The following USP24 variants were observed in gnomAD, a reference collection of about 807,000 sequenced individuals.
The protein encoded by USP24 is ubiquitin specific peptidase 24, also known as ubiquitin carboxyl-terminal hydrolase 24.
USP24 carries 97 observed loss-of-function variants against 361.6 expected under a neutral mutation model. The observed-to-expected ratio is 0.27, with a 90% confidence interval of 0.23 to 0.32. USP24 has a LOEUF of 0.32. USP24 is among the 10% of genes least tolerant of loss of function. The pLI is 1.00. For missense variants in USP24, 2,353 were observed against 3,165.6 expected, an observed-to-expected ratio of 0.74 and a Z score of 6.16; for synonymous variants, 1,098 against 1,124.6, an observed-to-expected ratio of 0.98 and a Z score of 0.47.
Position 55,142,939 on chromosome 1 carries a change from C to CT in USP24, c.2580+39dup, listed in dbSNP as rs1570527166. 9.6e-6 allele frequency: 14 copies of CT among 1,464,882 alleles called. No homozygotes were observed. The East Asian group carries it at 3.5e-4, about 37-fold the overall frequency. The allele number at this position is 1,464,882 out of a possible 1,614,324, so 90.7% of individuals were successfully genotyped here. ...ACTAAAATATACATATAATTTTCTG[C>CT]TTTTTTGTATATGGATAACTTCTTT... On this transcript the variant is annotated intron_variant, in intron 22 of 67. Transcript: ENST00000294383.
chr1:55,199,044 C>A (rs1191499484), intron 1 of USP24, among the ~76,000 whole-genome samples: 1 of 152,054 alleles, frequency 6.6e-6, no homozygotes, highest in African/African-American at 2.4e-5. Flanking sequence ...AATCCTGGCA[C>A]TTTGAGAGGC....
At chr1:55,137,944 T>C in intron 26 of USP24, 40 bp from the exon 27 acceptor site, 2 of 1,534,104 alleles carry the variant, frequency 1.3e-6, no homozygotes, top group Non-Finnish European at 1.8e-6. Context: ...AGAATTCATT[T>C]ATTTATTCAT....
intron 1 of USP24, among the ~76,000 whole-genome samples, chr1:55,206,255 T>C (rs1172576877): frequency 6.6e-6 from 1 of 152,238 alleles, no homozygotes; most frequent in Non-Finnish European, 1.5e-5. Flanking sequence ...GAATTATCAA[T>C]ACACACATGC....
At chr1:55,117,833 T>C (rs774071156) in intron 38 of USP24, among the ~76,000 whole-genome samples, 11 of 151,692 alleles carry the variant, frequency 7.3e-5, no homozygotes, top group Admixed American at 1.3e-4. Context: ...CAAAAATCAG[T>C]TGTGTTTCTT....
chr1:55,183,742 A>G (rs1644043574), intron 1 of USP24, among the ~76,000 whole-genome samples: 1 of 152,198 alleles, frequency 6.6e-6, no homozygotes, highest in South Asian at 2.1e-4. Flanking sequence ...ATATTATACA[A>G]CCATATGCTG....
intron 17 of USP24, 116 bp downstream of exon 17, chr1:55,148,347 G>T: frequency 3.1e-6 from 2 of 648,748 alleles, no homozygotes; most frequent in Non-Finnish European, 4.9e-6. Flanking sequence ...TGATATAAGT[G>T]AATTACATCA....
In USP24 at chr1:55,078,558, T is replaced by G. The variant is rs2100415840; in HGVS notation, c.7294A>C (p.Thr2432Pro). 1 of 1,611,480 alleles carries G rather than the reference T, an allele frequency of 6.2e-7. No homozygotes were observed. The highest frequency in any genetic ancestry group is 1.1e-5 in the South Asian group (1 of 90,602). Reference protein sequence around the residue: ...CCFCNEHFSFTMLHFIKNQLE... With the variant: ...CCFCNEHFSFPMLHFIKNQLE... ...CTTACCTTAATGAAATGCAGCATTG[T>G]GAAGGAAAAATGCTCATTACAGAAA... The change falls in exon 61 of 68, where the codon ACA becomes CCA. Residue 2432 changes from threonine (T) to proline (P), a missense_variant. Physicochemically the swap from Thr to Pro is conservative, Grantham distance 38. Coordinates refer to ENST00000294383, the MANE Select transcript of USP24 (RefSeq NM_015306.3).
intron 5 of USP24, among the ~76,000 whole-genome samples, chr1:55,167,699 G>A (rs1486550866): frequency 6.6e-6 from 1 of 152,094 alleles, no homozygotes; most frequent in African/African-American, 2.4e-5. Flanking sequence ...CGCCGAGAGA[G>A]GTCAAATGGA....
intron 23 of USP24, among the ~76,000 whole-genome samples, chr1:55,142,097 C>T (rs1646905951): frequency 6.6e-6 from 1 of 152,148 alleles, no homozygotes; most frequent in African/African-American, 2.4e-5. Flanking sequence ...CATATTCTAG[C>T]ACATATTTAT....
chr1:55,097,764 G>A, intron 47 of USP24, 47 bp from the exon 48 acceptor site: 1 of 1,516,784 alleles, frequency 6.6e-7, no homozygotes, highest in Non-Finnish European at 8.8e-7. Flanking sequence ...TGATCTCCAT[G>A]GAGAAAATAA....
intron 8 of USP24, among the ~76,000 whole-genome samples, chr1:55,161,561 G>A (rs1277068773): frequency 6.6e-6 from 1 of 152,050 alleles, no homozygotes; most frequent in African/African-American, 2.4e-5. Flanking sequence ...TTTTTTAAAA[G>A]CTCTATAGAA....
At chr1:55,185,330 C>T (rs914390701) in intron 1 of USP24, among the ~76,000 whole-genome samples, 9 of 151,676 alleles carry the variant, frequency 5.9e-5, no homozygotes, top group African/African-American at 2.2e-4. Flanking sequence ...TAACCTCCCA[C>T]TTTCAGAAAC....
chr1:55,155,108 G>A (rs1647500655), intron 12 of USP24, among the ~76,000 whole-genome samples: 1 of 151,922 alleles, frequency 6.6e-6, no homozygotes, highest in Non-Finnish European at 1.5e-5. Flanking sequence ...GATTTAAACA[G>A]ATTGAATTAT....
At chr1:55,214,449 C>T (rs72896820) in intron 1 of USP24, among the ~76,000 whole-genome samples, 146 of 152,102 alleles carry the variant, frequency 9.6e-4, no homozygotes, top group African/African-American at 3.3e-3. Context: ...AAGTGTCTGT[C>T]CTCCCATCTC....
chr1:55,178,675 CAAAA>C (rs1174799876), intron 1 of USP24, among the ~76,000 whole-genome samples: 4 of 117,468 alleles, frequency 3.4e-5, no homozygotes, highest in Admixed American at 2.1e-4. Context: ...GACTCCGTCT[CAAAA>C]TAAATAAATA....
intron 43 of USP24, 150 bp from the exon 44 acceptor site, chr1:55,101,114 T>G: frequency 1.0e-6 from 1 of 996,568 alleles, no homozygotes; most frequent in Non-Finnish European, 1.4e-6. Context: ...TTAACTTTAA[T>G]AATTCCTAGC....
chr1:55,166,114 C>T (rs1246632540), intron 6 of USP24, among the ~76,000 whole-genome samples, 164 bp from the exon 7 acceptor site: 11 of 150,694 alleles, frequency 7.3e-5, no homozygotes, highest in African/African-American at 4.9e-5. Flanking sequence ...ATGGGGTTTC[C>T]ATCCCCTCAA....
intron 7 of USP24, among the ~76,000 whole-genome samples, chr1:55,163,716 C>A (rs75866762): frequency 0.11 from 16,398 of 151,994 alleles, 1,073 homozygotes; most frequent in Non-Finnish European, 0.15. Flanking sequence ...ATACAGTTGA[C>A]CCTTGAACAA....
rs79451392 is a variant in USP24 at position 55,207,221 on chromosome 1, A to G, written c.324+7569T>C. On this transcript the variant is annotated intron_variant, in intron 1 of 67. Transcript: ENST00000294383. ...CTTCACACTATAGATTACCAACTAT[A>G]GTTCTCAAAAAGCAATTAATGTTCA... is the stretch of plus-strand genomic sequence containing the variant. 7.7e-3 allele frequency among the ~76,000 whole-genome samples: 1,170 copies of G among 152,098 alleles called. 17 individuals are homozygous for G. Among genetic ancestry groups the G allele is most frequent in the African/African-American group, 0.026 (1,063 of 41,474 alleles).
Sources: gnomAD v4.1 joint callset for allele counts (sites outside exome capture counted in the v4.1 genomes callset) on GRCh38, gnomAD v4.1.1 for gene constraint, MANE v1.5 for transcripts, NCBI Gene and HGNC (gene_info 2026-07-23, HGNC 2026-07-21) for gene names.